UBL3: variants seen among roughly 807,000 people sequenced by gnomAD.
UBL3 encodes ubiquitin like 3.
A neutral mutation model predicts 18.4 loss-of-function variants in UBL3; 6 were observed. The observed-to-expected ratio is 0.33, with a 90% confidence interval of 0.18 to 0.64. The LOEUF (loss-of-function observed/expected upper bound fraction) is 0.64. Among genes scored for constraint, UBL3 ranks in the 30% least tolerant of loss-of-function variants. The pLI, the probability that UBL3 is intolerant of heterozygous loss-of-function variation, is 0.76. For missense variants in UBL3, 109 were observed against 142.9 expected, an observed-to-expected ratio of 0.76 and a Z score of 1.21; for synonymous variants, 49 against 46.6, an observed-to-expected ratio of 1.05 and a Z score of -0.21.
chr13:29,824,713 A>T (rs1488655986), intron 1 of UBL3, among the ~76,000 whole-genome samples: 1 of 152,214 alleles, frequency 6.6e-6, no homozygotes, highest in African/African-American at 2.4e-5. Context: ...TAGTTTAATT[A>T]GATCCCATTT....
chr13:29,798,186 A>T lies in UBL3; in HGVS notation c.28-20923T>A, dbSNP rs117481822. Among the ~76,000 whole-genome samples the T allele has an allele frequency of 3.0e-4, 46 of 152,008 alleles. No homozygotes were observed. The East Asian group carries it at 4.3e-3, about 14-fold the overall frequency. ...ATTACAGGCACCCATCCCCATGCTC[A>T]GCTAATTTTTTGTATTTTTAGTAGA... On this transcript the variant is annotated intron_variant, in intron 1 of 4. Transcript: ENST00000380680.
At chr13:29,779,385 A>C (rs949839241) in intron 1 of UBL3, 2 of 256,162 alleles carry the variant, frequency 7.8e-6, no homozygotes, top group African/African-American at 4.7e-5. Context: ...ACTTGTGTTT[A>C]ACTAGAAAAA....
chr13:29,777,929 G>A (rs1001014711), intron 1 of UBL3, among the ~76,000 whole-genome samples: 1 of 152,054 alleles, frequency 6.6e-6, no homozygotes, highest in African/African-American at 2.4e-5. Context: ...ACCACGCCCA[G>A]CTAATTTTTG....
chr13:29,786,912 A>G (rs1283526116), intron 1 of UBL3, among the ~76,000 whole-genome samples: 3 of 152,156 alleles, frequency 2.0e-5, no homozygotes, highest in Non-Finnish European at 4.4e-5. Context: ...CCTCTAGCTT[A>G]AGTTCCCAAA....
chr13:29,818,513 G>T (rs17502811), intron 1 of UBL3, among the ~76,000 whole-genome samples: 1 of 152,078 alleles, frequency 6.6e-6, no homozygotes. Context: ...CTCAAATTAA[G>T]GCCAATCAAT....
intron 1 of UBL3, among the ~76,000 whole-genome samples, chr13:29,790,975 A>G (rs560029791): frequency 2.6e-5 from 4 of 152,234 alleles, no homozygotes; most frequent in Middle Eastern, 3.4e-3. Context: ...CAAACTAATT[A>G]TCCATGAAGC....
At chr13:29,810,146 A>G (rs868814909) in intron 1 of UBL3, among the ~76,000 whole-genome samples, 2 of 152,174 alleles carry the variant, frequency 1.3e-5, no homozygotes, top group Non-Finnish European at 2.9e-5. Context: ...GTTATTCCAC[A>G]TACCTGATTG....
intron 1 of UBL3, among the ~76,000 whole-genome samples, chr13:29,814,705 G>A (rs970977844): frequency 2.6e-5 from 4 of 152,250 alleles, no homozygotes; most frequent in African/African-American, 9.6e-5. Context: ...TGACCTAGGC[G>A]GGCTGCTGTC....
At chr13:29,770,838 A>C (rs1377890393) in intron 3 of UBL3, among the ~76,000 whole-genome samples, 1 of 151,966 alleles carries the variant, frequency 6.6e-6, no homozygotes, top group Non-Finnish European at 1.5e-5. Context: ...AAAAAGCTAC[A>C]AATCAAAAAA....
At chr13:29,787,530 T>G (rs147133901) in intron 1 of UBL3, among the ~76,000 whole-genome samples, 2 of 152,288 alleles carry the variant, frequency 1.3e-5, no homozygotes, top group East Asian at 3.9e-4. Flanking sequence ...CCTGTAAGCT[T>G]ACAGAACATA....
At chr13:29,777,007 G>T (rs752412280) in intron 2 of UBL3, 148 bp downstream of exon 2, 1 of 507,550 alleles carries the variant, frequency 2.0e-6, no homozygotes. Flanking sequence ...AGATAAGGAA[G>T]GGTACAATGA....
chr13:29,785,739 A>G (rs1877297886), intron 1 of UBL3, among the ~76,000 whole-genome samples: 1 of 152,216 alleles, frequency 6.6e-6, no homozygotes, highest in Admixed American at 6.5e-5. Context: ...ATTTTCTAAA[A>G]CAGACACTGC....
chr13:29,800,708 G>A (rs1392490857), intron 1 of UBL3, among the ~76,000 whole-genome samples: 1 of 152,056 alleles, frequency 6.6e-6, no homozygotes, highest in Non-Finnish European at 1.5e-5. Context: ...TCAACCTTTC[G>A]GCAGGATAGT....
At chr13:29,783,363 T>A (rs1200345634) in intron 1 of UBL3, among the ~76,000 whole-genome samples, 3 of 152,318 alleles carry the variant, frequency 2.0e-5, no homozygotes, top group African/African-American at 7.2e-5. Context: ...AACAGATTGG[T>A]CTTAATTGGG....
At chr13:29,846,577 A>C (rs1360364054) in intron 1 of UBL3, among the ~76,000 whole-genome samples, 1 of 152,188 alleles carries the variant, frequency 6.6e-6, no homozygotes, top group Non-Finnish European at 1.5e-5. Context: ...AATCTATTTT[A>C]AAGTGAGTCA....
intron 3 of UBL3, 42 bp downstream of exon 3, chr13:29,772,070 C>A: frequency 6.6e-7 from 1 of 1,508,874 alleles, no homozygotes; most frequent in South Asian, 1.2e-5. Flanking sequence ...ATCATGCTAC[C>A]ATGAGACAGA....
At chr13:29,790,340 T>A (rs1480757286) in intron 1 of UBL3, among the ~76,000 whole-genome samples, 1 of 152,226 alleles carries the variant, frequency 6.6e-6, no homozygotes, top group Non-Finnish European at 1.5e-5. Context: ...TAACTCTTTA[T>A]CTTTCATTCC....
At chr13:29,771,815 T>A (rs1876848023) in intron 3 of UBL3, among the ~76,000 whole-genome samples, 1 of 151,952 alleles carries the variant, frequency 6.6e-6, no homozygotes, top group Admixed American at 6.6e-5. Flanking sequence ...AAATACTACA[T>A]CTGAATTATA....
intron 1 of UBL3, among the ~76,000 whole-genome samples, chr13:29,828,899 G>A (rs1472347125): frequency 6.6e-6 from 1 of 152,208 alleles, no homozygotes; most frequent in South Asian, 2.1e-4. Context: ...TAAGAGTCAG[G>A]ACCCTCAGCG....
Sources: gnomAD v4.1 joint callset for allele counts (sites outside exome capture counted in the v4.1 genomes callset) on GRCh38, gnomAD v4.1.1 for gene constraint, MANE v1.5 for transcripts, NCBI Gene and HGNC (gene_info 2026-07-23, HGNC 2026-07-21) for gene names.